Variants in MYLK observed in about 807,000 individuals in gnomAD.
MYLK encodes the protein myosin light chain kinase, smooth muscle.
In MYLK, 106 loss-of-function variants were observed where a neutral mutation model predicts 203.4. That is an observed-to-expected ratio of 0.52 (90% confidence interval 0.45 to 0.61). The LOEUF (loss-of-function observed/expected upper bound fraction) is 0.61. Among genes scored for constraint, MYLK ranks in the 20% least tolerant of loss-of-function variants. The pLI, the probability that MYLK is intolerant of heterozygous loss-of-function variation, is 0.00. For synonymous variants in MYLK, 867 were observed against 959.5 expected (o/e 0.90, Z 1.78); for missense variants, 2,072 against 2,442.3 (o/e 0.85, Z 3.20).
At chr3:123,689,190 C>T (rs1436290727) in intron 19 of MYLK, among the ~76,000 whole-genome samples, 3 of 152,118 alleles carry the variant, frequency 2.0e-5, no homozygotes, top group Admixed American at 6.5e-5. Context: ...GCCAGGGTGG[C>T]TGGGGACAGG....
At chr3:123,722,032 G>T in intron 13 of MYLK, 96 bp downstream of exon 13, 12 of 1,493,530 alleles carry the variant, frequency 8.0e-6, no homozygotes, top group South Asian at 2.4e-5. Flanking sequence ...CCCTGGATTT[G>T]AGCTCATGAT....
intron 29 of MYLK, among the ~76,000 whole-genome samples, chr3:123,631,145 C>T (rs970921712): frequency 1.3e-5 from 2 of 151,874 alleles, no homozygotes; most frequent in Admixed American, 1.3e-4. Flanking sequence ...TGCCTGTAAT[C>T]CCAGCACTTT....
chr3:123,785,784 A>G (rs2064488386), intron 4 of MYLK, among the ~76,000 whole-genome samples: 1 of 152,230 alleles, frequency 6.6e-6, no homozygotes, highest in Admixed American at 6.5e-5. Flanking sequence ...GCCCCATGTG[A>G]CTATTCAGCA....
chr3:123,772,268 G>T (rs1014737384), intron 4 of MYLK, among the ~76,000 whole-genome samples: 5 of 152,030 alleles, frequency 3.3e-5, no homozygotes, highest in African/African-American at 4.8e-5. Flanking sequence ...AACCATTTTG[G>T]TTCACATATT....
At chr3:123,718,790 G>A (rs1388037704) in intron 13 of MYLK, among the ~76,000 whole-genome samples, 1 of 152,130 alleles carries the variant, frequency 6.6e-6, no homozygotes, top group Non-Finnish European at 1.5e-5. Flanking sequence ...TTTGAAATGA[G>A]GCCAGGTGCT....
intron 4 of MYLK, among the ~76,000 whole-genome samples, chr3:123,762,982 T>A (rs1004461613): frequency 6.6e-6 from 1 of 152,242 alleles, no homozygotes; most frequent in Admixed American, 6.5e-5. Flanking sequence ...CTGTATGGAA[T>A]GTAAACTTTA....
chr3:123,651,919 T>C (rs115620792), intron 24 of MYLK, among the ~76,000 whole-genome samples: 2 of 152,218 alleles, frequency 1.3e-5, no homozygotes, highest in Admixed American at 1.3e-4. Context: ...TCTAGTGCAC[T>C]GTGTTCCTTT....
intron 3 of MYLK, among the ~76,000 whole-genome samples, chr3:123,820,241 C>G (rs1031811201): frequency 6.6e-6 from 1 of 152,134 alleles, no homozygotes; most frequent in Non-Finnish European, 1.5e-5. Flanking sequence ...TGGCCTAGAA[C>G]AGCTGACTAA....
intron 2 of MYLK, among the ~76,000 whole-genome samples, chr3:123,868,798 T>C (rs2032530234): frequency 6.6e-6 from 1 of 152,226 alleles, no homozygotes. Context: ...GAAGTATTTA[T>C]AGCAAAATAA....
intron 12 of MYLK, 25 bp downstream of exon 12, chr3:123,725,919 G>A: frequency 6.2e-7 from 1 of 1,611,244 alleles, no homozygotes; most frequent in African/African-American, 1.3e-5. Flanking sequence ...GATGGGAGCA[G>A]AGAGCTGGGG....
At chr3:123,822,999 T>A (rs1220364282) in intron 3 of MYLK, among the ~76,000 whole-genome samples, 1 of 152,070 alleles carries the variant, frequency 6.6e-6, no homozygotes, top group Non-Finnish European at 1.5e-5. Flanking sequence ...GAAGATGAGG[T>A]CCACGAACAC....
chr3:123,728,349 T>A (rs1009096146), intron 11 of MYLK, among the ~76,000 whole-genome samples: 1 of 151,900 alleles, frequency 6.6e-6, no homozygotes, highest in Non-Finnish European at 1.5e-5. Flanking sequence ...CCAAAAAAAA[T>A]AAAATTAAAA....
At chr3:123,782,258 G>A (rs913270905) in intron 4 of MYLK, among the ~76,000 whole-genome samples, 5 of 152,172 alleles carry the variant, frequency 3.3e-5, no homozygotes, top group African/African-American at 4.8e-5. Flanking sequence ...AACCCTCTTG[G>A]AATATGGAAA....
At chr3:123,800,480 G>A (rs928268433) in intron 3 of MYLK, among the ~76,000 whole-genome samples, 1 of 152,116 alleles carries the variant, frequency 6.6e-6, no homozygotes, top group African/African-American at 2.4e-5. Context: ...CTCCTGTGCT[G>A]TGTTTCTCAT....
chr3:123,629,922 T>A lies in MYLK; in HGVS notation c.4962-296A>T. 2.4e-6 allele frequency: 1 copy of A among 418,348 alleles called. No individual in the cohort carries two copies. 25.9% of individuals were successfully genotyped at this position (418,348 alleles called of 1,614,324 possible). On this transcript the variant is annotated intron_variant, in intron 29 of 33. Coordinates refer to ENST00000360304, the MANE Select transcript of MYLK (RefSeq NM_053025.4). This position sits in a 1 kb window ranked among gnomAD's most constrained non-coding sequence, Gnocchi z 4.4. ...GTACGCGGCAGGGCTGATAAGTCCC[T>A]CTGTCCTGGTTTTCTATTATTCCCC...
rs1394978836 is a variant in MYLK at position 123,793,554 on chromosome 3, T to G, written c.165+123A>C. ...AAAAGTGGCACAGGTTCGTTTTACA[T>G]GAAGGTCCAAAAGAAAATTGAGCCT... is the stretch of plus-strand genomic sequence containing the variant. On this transcript the variant is annotated intron_variant, in intron 4 of 33. Transcript: ENST00000360304. 3.6e-6 allele frequency: 4 copies of G among 1,118,722 alleles called. No homozygotes were observed. The East Asian group carries it at 1.0e-4, about 28-fold the overall frequency. The allele number at this position is 1,118,722 out of a possible 1,614,324, so 69.3% of individuals were successfully genotyped here.
intron 16 of MYLK, among the ~76,000 whole-genome samples, chr3:123,703,258 G>T (rs1316197748): frequency 1.3e-5 from 2 of 152,218 alleles, no homozygotes; most frequent in African/African-American, 2.4e-5. Context: ...ACCCTTGGGT[G>T]CTGGCACCCA....
At chr3:123,778,031 T>G (rs1299363779) in intron 4 of MYLK, among the ~76,000 whole-genome samples, 1 of 152,176 alleles carries the variant, frequency 6.6e-6, no homozygotes, top group African/African-American at 2.4e-5. Context: ...TATTATTTCC[T>G]ACCCATATTT....
chr3:123,824,937 C>T (rs572043739), intron 3 of MYLK, among the ~76,000 whole-genome samples: 2 of 151,992 alleles, frequency 1.3e-5, no homozygotes, highest in South Asian at 4.1e-4. Flanking sequence ...TTGCTTGAGC[C>T]CAGGAGTTTG....
Sources: gnomAD v4.1 joint callset for allele counts (sites outside exome capture counted in the v4.1 genomes callset) on GRCh38, gnomAD v4.1.1 for gene constraint, Gnocchi (gnomAD v3.1) non-coding constraint, MANE v1.5 for transcripts, NCBI Gene and HGNC (gene_info 2026-07-23, HGNC 2026-07-21) for gene names.